TP73: variants seen among roughly 807,000 people sequenced by gnomAD.
TP73 encodes the protein p53-like transcription factor.
Under a neutral mutation model 62.5 loss-of-function variants are expected in TP73, and 25 were observed. That is an observed-to-expected ratio of 0.40 (90% CI 0.29 to 0.56). The LOEUF is 0.56. Among genes scored for constraint, TP73 ranks in the 20% least tolerant of loss-of-function variants. The probability of loss-of-function intolerance (pLI) is 0.46; values close to 1 mark genes in which losing one functional copy is unlikely to be tolerated. For synonymous variants in TP73, 423 were observed against 377.5 expected (o/e 1.12, Z -1.40); for missense variants, 754 against 913.3 (o/e 0.83, Z 2.25).
intron 13 of TP73, 71 bp downstream of exon 13, chr1:3,731,627 CT>C (rs1642147719): frequency 7.3e-7 from 1 of 1,367,196 alleles, no homozygotes; most frequent in African/African-American, 1.4e-5. Context: ...GGCAAAGAGC[CT>C]TCTCTTCCTT....
At chr1:3,703,371 C>T (rs897309400) in intron 3 of TP73, among the ~76,000 whole-genome samples, 4 of 152,158 alleles carry the variant, frequency 2.6e-5, no homozygotes, top group South Asian at 2.1e-4. Flanking sequence ...AGGCCGACAT[C>T]GGGGCCCTGC....
intron 12 of TP73, among the ~76,000 whole-genome samples, 195 bp from the exon 13 acceptor site, chr1:3,731,268 C>T (rs80066543): frequency 0.019 from 2,965 of 152,304 alleles, 105 homozygotes; most frequent in African/African-American, 0.067. Flanking sequence ...CACAAAAAGC[C>T]GGGGTCCTCC....
At chr1:3,656,992 G>A (rs187216346) in intron 1 of TP73, among the ~76,000 whole-genome samples, 231 of 152,336 alleles carry the variant, frequency 1.5e-3, no homozygotes, top group Middle Eastern at 3.4e-3. Context: ...TTGTCGCTCC[G>A]TTGCAATTAT....
Position 3,673,802 on chromosome 1 carries a change from C to T in TP73, c.-33-8531C>T, listed in dbSNP as rs756946525. 4.9e-4 allele frequency among the ~76,000 whole-genome samples: 75 copies of T among 152,180 alleles called. 3 individuals are homozygous for T. The highest frequency in any genetic ancestry group is 1.3e-4 in the Non-Finnish European group (9 of 68,024). The stretch of plus-strand genomic sequence containing the variant: ...GGATGTGGATTGGGCCTCAATGTAC[C>T]GGTGAAGATAGATGGACAGGCAGGG... On this transcript the variant is annotated intron_variant, in intron 1 of 13. Transcript: ENST00000378295.
chr1:3,709,001 G>A (rs1239782166), intron 4 of TP73, among the ~76,000 whole-genome samples: 10 of 152,206 alleles, frequency 6.6e-5, no homozygotes, highest in Non-Finnish European at 1.5e-4. Flanking sequence ...TTTAAGAATC[G>A]GGTCCCACTG....
chr1:3,705,048 G>A (rs56747302), intron 3 of TP73, among the ~76,000 whole-genome samples: 1 of 152,160 alleles, frequency 6.6e-6, no homozygotes, highest in Non-Finnish European at 1.5e-5. Flanking sequence ...ATTTTGTTTC[G>A]TTTTTTGAGA....
At chr1:3,697,011 TC>T (rs2124307718) in intron 3 of TP73, among the ~76,000 whole-genome samples, 1 of 152,206 alleles carries the variant, frequency 6.6e-6, no homozygotes, top group East Asian at 1.9e-4. Context: ...AAACTTATCT[TC>T]CCCTGAGAGG....
At chr1:3,695,936 G>C (rs142087782) in intron 3 of TP73, among the ~76,000 whole-genome samples, 1 of 152,252 alleles carries the variant, frequency 6.6e-6, no homozygotes, top group Admixed American at 6.5e-5. Context: ...GGGAAGGGGT[G>C]GGGGAGACCC....
At chr1:3,681,605 C>T (rs12025725) in intron 1 of TP73, among the ~76,000 whole-genome samples, 27,123 of 152,120 alleles carry the variant, frequency 0.18, 2,697 homozygotes, top group Admixed American at 0.27. Flanking sequence ...CCCAGCCTTG[C>T]CAGGCTTCCC....
At chr1:3,728,000 T>A (rs1557584627) in intron 8 of TP73, 129 bp from the exon 9 acceptor site, 1 of 1,195,058 alleles carries the variant, frequency 8.4e-7, no homozygotes, top group African/African-American at 1.5e-5. Context: ...TCCCTGTGGG[T>A]TGCTCACCAC....
chr1:3,719,181 C>A (rs940405338), intron 4 of TP73, among the ~76,000 whole-genome samples: 1 of 152,246 alleles, frequency 6.6e-6, no homozygotes, highest in African/African-American at 2.4e-5. Context: ...CCCTAGGGAG[C>A]GGCTAGGATG....
chr1:3,725,239 G>T (rs1175845210), intron 6 of TP73, among the ~76,000 whole-genome samples: 1 of 152,114 alleles, frequency 6.6e-6, no homozygotes, highest in Non-Finnish European at 1.5e-5. Flanking sequence ...AGGGGAGAAG[G>T]TTGGGGCAAA....
intron 1 of TP73, among the ~76,000 whole-genome samples, chr1:3,656,426 T>C (rs1644867152): frequency 6.6e-6 from 1 of 152,264 alleles, no homozygotes. Flanking sequence ...TGTTTTTTAA[T>C]GTTTCCTGTA....
At chr1:3,723,516 C>T (rs779131573) in intron 6 of TP73, 47 bp downstream of exon 6, 47 of 1,172,582 alleles carry the variant, frequency 4.0e-5, no homozygotes, top group South Asian at 3.0e-4. Flanking sequence ...GTCAGCTGTA[C>T]GGGTCGGGGG....
chr1:3,677,166 G>C (rs1645392927), intron 1 of TP73, among the ~76,000 whole-genome samples: 2 of 152,230 alleles, frequency 1.3e-5, no homozygotes, highest in African/African-American at 4.8e-5. Context: ...GAAGCTGTGG[G>C]GGCCTAATTG....
intron 5 of TP73, among the ~76,000 whole-genome samples, chr1:3,722,893 CCTCTGCACCTAGCACAGGAGTGGGCACCT>C (rs1420090489): frequency 7.2e-6 from 1 of 138,266 alleles, no homozygotes; most frequent in Admixed American, 7.2e-5. Context: ...AGGGTGGGCA[CCTCTGCACCTAGCACAGGAGTGGGCACCT>C]CTCTGCACCT....
chr1:3,727,137 T>C lies in TP73; in HGVS notation c.755T>C (p.Ile252Thr). ...PPQVGTEFTT[I>T]LYNFMCNSSC... Reference sequence around the variant, plus strand: ...CAGGTGGGGACGGAATTCACCACCATCCTGTACAACTTCATGTGTAACAGC... The same window carrying C: ...CAGGTGGGGACGGAATTCACCACCACCCTGTACAACTTCATGTGTAACAGC... Residue 252 changes from isoleucine (I) to threonine (T), a missense_variant, in exon 7 of 14, where the codon ATC becomes ACC. Transcript: ENST00000378295. The C allele has an allele frequency of 1.2e-6, 2 of 1,612,092 alleles. No homozygotes were observed. Among genetic ancestry groups the C allele is most frequent in the Non-Finnish European group, 1.7e-6 (2 of 1,179,522 alleles).
intron 4 of TP73, among the ~76,000 whole-genome samples, chr1:3,719,627 G>A (rs941638670): frequency 2.0e-5 from 3 of 152,220 alleles, no homozygotes; most frequent in Non-Finnish European, 4.4e-5. Flanking sequence ...TCTGTGCTGC[G>A]AGCTGTTCCC....
intron 5 of TP73, among the ~76,000 whole-genome samples, chr1:3,722,866 C>G (rs756305481): frequency 6.3e-5 from 9 of 143,012 alleles, no homozygotes; most frequent in Non-Finnish European, 1.2e-4. Context: ...GGCTGGGCAC[C>G]TCTTTGCACC....
Sources: allele counts gnomAD v4.1 joint callset (sites outside exome capture counted in the v4.1 genomes callset), GRCh38; gene constraint gnomAD v4.1.1; transcripts MANE v1.5; gene names NCBI Gene and HGNC (gene_info 2026-07-23, HGNC 2026-07-21).